The following NELL1 variants were observed in gnomAD, a reference collection of about 807,000 sequenced individuals.
The protein encoded by NELL1 is protein kinase C-binding protein NELL1.
A neutral mutation model predicts 107.4 loss-of-function variants in NELL1; 76 were observed. The observed-to-expected ratio is 0.71, with a 90% CI of 0.59 to 0.86. The LOEUF is 0.86. NELL1 is among the 40% of genes least tolerant of loss of function. The pLI is 0.00. For missense variants in NELL1, 1,024 were observed against 1,005.5 expected, an observed-to-expected ratio of 1.02 and a Z score of -0.25; for synonymous variants, 353 against 341.2, an observed-to-expected ratio of 1.03 and a Z score of -0.38.
chr11:21,331,219 CTTG>C (rs948161014), intron 14 of NELL1, among the ~76,000 whole-genome samples: 5 of 151,944 alleles, frequency 3.3e-5, no homozygotes, highest in African/African-American at 7.3e-5. Flanking sequence ...CATGGCACCT[CTTG>C]TTGTCTGCTT....
intron 12 of NELL1, among the ~76,000 whole-genome samples, chr11:20,963,332 T>G (rs1191639226): frequency 6.6e-6 from 1 of 152,054 alleles, no homozygotes; most frequent in Non-Finnish European, 1.5e-5. Context: ...GTTACACCAC[T>G]TCTATCCTCA....
At chr11:21,029,435 A>C (rs1463970443) in intron 12 of NELL1, among the ~76,000 whole-genome samples, 1 of 152,034 alleles carries the variant, frequency 6.6e-6, no homozygotes, top group Non-Finnish European at 1.5e-5. Flanking sequence ...CTTCCAACTC[A>C]TAATTTCTTC....
intron 14 of NELL1, among the ~76,000 whole-genome samples, chr11:21,321,982 T>A (rs193172915): frequency 1.9e-3 from 286 of 152,300 alleles, no homozygotes; most frequent in African/African-American, 6.6e-3. Flanking sequence ...CTTGAAGTAG[T>A]CTCTGGGAAA....
intron 15 of NELL1, among the ~76,000 whole-genome samples, chr11:21,420,646 C>A (rs1306991797): frequency 1.3e-5 from 2 of 152,098 alleles, no homozygotes; most frequent in South Asian, 2.1e-4. Context: ...ATTAGACTCC[C>A]AGGTCCCCTT....
chr11:20,977,727 C>G (rs1344292129), intron 12 of NELL1, among the ~76,000 whole-genome samples: 1 of 152,214 alleles, frequency 6.6e-6, no homozygotes, highest in Non-Finnish European at 1.5e-5. Context: ...TCACTGTTGA[C>G]TCTCTAATAA....
At position 21,011,587 on chromosome 11, in the gene NELL1, C is replaced by G. The variant is rs56815812; in HGVS notation, c.1300+51027C>G. Among the ~76,000 whole-genome samples, 1,415 of 152,246 alleles carry G rather than the reference C, an allele frequency of 9.3e-3. 27 individuals are homozygous for G. Among genetic ancestry groups the G allele is most frequent in the African/African-American group, 0.032 (1,342 of 41,542 alleles). ...CCTCAGACCAGGCATCTCTCTGGAGCTGAAGTGGACCCTGAAAGAACTGAC... is the reference window on the plus strand; with the variant it reads ...CCTCAGACCAGGCATCTCTCTGGAGGTGAAGTGGACCCTGAAAGAACTGAC... On this transcript the variant is annotated intron_variant, in intron 12 of 19. Transcript: ENST00000357134.
intron 2 of NELL1, among the ~76,000 whole-genome samples, chr11:20,720,636 G>A (rs1855359333): frequency 6.6e-6 from 1 of 152,142 alleles, no homozygotes; most frequent in Admixed American, 6.6e-5. Context: ...CAAGGTATTG[G>A]TGGAGTTGGT....
intron 2 of NELL1, among the ~76,000 whole-genome samples, chr11:20,707,208 C>G (rs564791161): frequency 6.6e-6 from 1 of 152,326 alleles, no homozygotes; most frequent in African/African-American, 2.4e-5. Flanking sequence ...GTGTTCAGCT[C>G]TATCAGGTCA....
At chr11:21,113,041 C>A (rs1855144429) in intron 12 of NELL1, among the ~76,000 whole-genome samples, 1 of 151,830 alleles carries the variant, frequency 6.6e-6, no homozygotes, top group South Asian at 2.1e-4. Context: ...GGGAGGAGCT[C>A]CAGGTCAAAG....
intron 2 of NELL1, among the ~76,000 whole-genome samples, chr11:20,741,833 TCA>T (rs1486231312): frequency 6.6e-6 from 1 of 152,210 alleles, no homozygotes; most frequent in East Asian, 1.9e-4. Context: ...AATTCTGTGC[TCA>T]GTTAGCCACC....
chr11:21,492,179 T>C (rs993205746), intron 15 of NELL1, among the ~76,000 whole-genome samples: 4 of 152,002 alleles, frequency 2.6e-5, no homozygotes, highest in Non-Finnish European at 5.9e-5. Flanking sequence ...GAAATGCAAA[T>C]CAAATCCACA....
chr11:20,914,396 AT>A (rs1183841254), intron 5 of NELL1, among the ~76,000 whole-genome samples: 1 of 152,024 alleles, frequency 6.6e-6, no homozygotes, highest in Non-Finnish European at 1.5e-5. Context: ...TAGATTTAAA[AT>A]TTTTCTGATC....
intron 12 of NELL1, among the ~76,000 whole-genome samples, chr11:21,013,726 A>G (rs955333323): frequency 1.3e-5 from 2 of 152,112 alleles, no homozygotes; most frequent in African/African-American, 4.8e-5. Flanking sequence ...TAATGAACCA[A>G]TGTTAATACA....
intron 13 of NELL1, among the ~76,000 whole-genome samples, chr11:21,208,354 C>T (rs1247403053): frequency 6.6e-6 from 1 of 151,464 alleles, no homozygotes; most frequent in Non-Finnish European, 1.5e-5. Flanking sequence ...GTGTAAATTA[C>T]TGTCAATATT....
At chr11:21,205,303 G>A (rs1857365238) in intron 13 of NELL1, among the ~76,000 whole-genome samples, 1 of 152,106 alleles carries the variant, frequency 6.6e-6, no homozygotes, top group Non-Finnish European at 1.5e-5. Flanking sequence ...TTTCAGAGAT[G>A]CCCTGCCTAG....
chr11:21,303,550 A>G (rs111443804), intron 14 of NELL1, among the ~76,000 whole-genome samples: 1 of 152,074 alleles, frequency 6.6e-6, no homozygotes, highest in African/African-American at 2.4e-5. Context: ...ACTCTTATGC[A>G]CTGTTAGTGG....
At chr11:21,172,873 C>T (rs570493241) in intron 13 of NELL1, among the ~76,000 whole-genome samples, 1 of 151,428 alleles carries the variant, frequency 6.6e-6, no homozygotes, top group East Asian at 1.9e-4. Context: ...TAAATGTAGG[C>T]CTTTCATGGA....
At chr11:21,273,240 G>A (rs568002160) in intron 14 of NELL1, among the ~76,000 whole-genome samples, 29 of 152,200 alleles carry the variant, frequency 1.9e-4, no homozygotes, top group African/African-American at 5.8e-4. Flanking sequence ...CAAGGCATGC[G>A]AACTACGTGA....
chr11:21,366,985 A>G (rs1442562981), intron 14 of NELL1, among the ~76,000 whole-genome samples: 1 of 152,084 alleles, frequency 6.6e-6, no homozygotes, highest in Non-Finnish European at 1.5e-5. Flanking sequence ...CAAACCTGGC[A>G]TCTGCAAACC....
Sources: gnomAD v4.1 joint callset for allele counts (sites outside exome capture counted in the v4.1 genomes callset) on GRCh38, gnomAD v4.1.1 for gene constraint, MANE v1.5 for transcripts, NCBI Gene and HGNC (gene_info 2026-07-23, HGNC 2026-07-21) for gene names.